The following ELK4 variants were observed in gnomAD, a reference collection of about 807,000 sequenced individuals.
ELK4 encodes the protein ETS domain-containing protein Elk-4.
ELK4 carries 16 observed loss-of-function variants against 29.6 expected under a neutral mutation model. The observed-to-expected ratio is 0.54, with a 90% CI of 0.37 to 0.82. The LOEUF is 0.82. Ranked by LOEUF, ELK4 falls within the 40% of genes least tolerant of loss-of-function variation. The pLI is 0.00. For synonymous variants in ELK4, 213 were observed against 191.1 expected (o/e 1.11, Z -0.95); for missense variants, 465 against 507.1 (o/e 0.92, Z 0.80).
intron 4 of ELK4, among the ~76,000 whole-genome samples, chr1:205,616,925 T>C (rs1670240276): frequency 6.6e-6 from 1 of 152,230 alleles, no homozygotes. Context: ...GGTACACAGG[T>C]TTACAATTAA....
At position 205,631,164 on chromosome 1, in the gene ELK4, G is replaced by C. The variant is rs933661972; in HGVS notation, c.-10+468C>G. On this transcript the variant is annotated intron_variant, in intron 1 of 4. Coordinates refer to ENST00000357992, the MANE Select transcript of ELK4 (RefSeq NM_001973.4). ...GGGCCGCTGGAGCGAAAGAGAAAAA[G>C]AAATGAAACTCGACACCGGATGACT... 2.0e-5 allele frequency among the ~76,000 whole-genome samples: 3 copies of C among 152,156 alleles called. No homozygotes were observed. The South Asian group carries it at 6.2e-4, about 32-fold the overall frequency.
chr1:205,608,487 C>A lies in ELK4; in HGVS notation c.*8059G>T, dbSNP rs1575117635. The A allele has an allele frequency of 5.1e-6, 1 of 194,384 alleles. No individual in the cohort carries two copies. The highest frequency in any genetic ancestry group is 1.1e-5 in the Non-Finnish European group (1 of 93,474). 12.0% of individuals were successfully genotyped at this position (194,384 alleles called of 1,614,324 possible). A position where few individuals can be genotyped will look rare whatever the true frequency, so the allele number is the denominator to read the frequency against. ...ACTGCTTAGCTAGGAGATGTGGCAG[C>A]TTCCCTCCAGCTGTTTCATCAACTA... is the stretch of plus-strand genomic sequence containing the variant. On this transcript the variant is annotated 3_prime_UTR_variant, in exon 5 of 5. Transcript: ENST00000357992.
chr1:205,618,924 C>A, intron 4 of ELK4, 33 bp downstream of exon 4: 1 of 1,529,510 alleles, frequency 6.5e-7, no homozygotes, highest in South Asian at 1.2e-5. Context: ...TTAACATGCT[C>A]CAACTACAGA....
In ELK4 at chr1:205,616,452, G is replaced by T; in HGVS notation, c.*94C>A. ...CAAAAATCACAATAGTCTATTATCA[G>T]CATTGTAGAACTATCAATTGCTCAC... is the stretch of plus-strand genomic sequence containing the variant. On this transcript the variant is annotated 3_prime_UTR_variant, in exon 5 of 5. Transcript: ENST00000357992. The T allele has an allele frequency of 8.9e-7, 1 of 1,123,466 alleles. No homozygotes were observed. Among genetic ancestry groups the T allele is most frequent in the Non-Finnish European group, 1.3e-6 (1 of 756,956 alleles). 69.6% of individuals were successfully genotyped at this position (1,123,466 alleles called of 1,614,324 possible).
rs1033300217 is a variant in ELK4, at chr1:205,609,589, T to C, written c.*6957A>G. The C allele has an allele frequency of 5.0e-6, 1 of 199,880 alleles. No homozygotes were observed. The highest frequency in any genetic ancestry group is 7.8e-5 in the East Asian group (1 of 12,860). 12.4% of individuals were successfully genotyped at this position (199,880 alleles called of 1,614,324 possible). A position where few individuals can be genotyped will look rare whatever the true frequency, so the allele number is the denominator to read the frequency against. ...AAATGCTACTCTACCACTTAAACAA[T>C]AAATGTAAGCAATGAATGTACATAC... On this transcript the variant is annotated 3_prime_UTR_variant, in exon 5 of 5. Coordinates refer to ENST00000357992, the MANE Select transcript of ELK4 (RefSeq NM_001973.4).
In ELK4 at chr1:205,609,815, T is replaced by C. The variant is rs529504022; in HGVS notation, c.*6731A>G. ...TTCTACAAAGCACAATATTAAAAGC[T>C]TGCAAATTATTTTAAAATATCCTAG... On this transcript the variant is annotated 3_prime_UTR_variant, in exon 5 of 5. Transcript: ENST00000357992. 1 of 219,280 alleles carries C rather than the reference T, an allele frequency of 4.6e-6. No individual in the cohort carries two copies. The highest frequency in any genetic ancestry group is 2.2e-5 in the African/African-American group (1 of 44,748). The allele number at this position is 219,280 out of a possible 1,614,324, so 13.6% of individuals were successfully genotyped here. A position where few individuals can be genotyped will look rare whatever the true frequency, so the allele number is the denominator to read the frequency against.
chr1:205,630,912 G>A (rs1558025432), intron 1 of ELK4, among the ~76,000 whole-genome samples: 2 of 152,198 alleles, frequency 1.3e-5, no homozygotes, highest in African/African-American at 2.4e-5. Flanking sequence ...ATTCTGATGA[G>A]GCATAGAACT....
chr1:205,621,214 AAAAAAG>A (rs1670341130), intron 2 of ELK4, among the ~76,000 whole-genome samples: 1 of 143,564 alleles, frequency 7.0e-6, no homozygotes, highest in Non-Finnish European at 1.5e-5. Context: ...AAAAAAAAAA[AAAAAAG>A]AAAAAGCTGG....
chr1:205,625,675 G>T (rs1031319029), intron 1 of ELK4: 80 of 825,868 alleles, frequency 9.7e-5, no homozygotes, highest in Non-Finnish European at 1.1e-4. Context: ...TGCTGCTGCT[G>T]CTTCTTTTTT....
Position 205,611,941 on chromosome 1 carries a change from A to C in ELK4, c.*4605T>G. On this transcript the variant is annotated 3_prime_UTR_variant, in exon 5 of 5. Coordinates refer to ENST00000357992, the MANE Select transcript of ELK4 (RefSeq NM_001973.4). ...GATTTTAAAAATCAAAAACTTATTAATGCAGCAAGAAAATGTAACTTGTTA... is the reference window on the plus strand; with the variant it reads ...GATTTTAAAAATCAAAAACTTATTACTGCAGCAAGAAAATGTAACTTGTTA... 5.4e-6 allele frequency: 1 copy of C among 185,892 alleles called. No individual in the cohort carries two copies. Among genetic ancestry groups the C allele is most frequent in the Non-Finnish European group, 1.1e-5 (1 of 87,762 alleles). The allele number at this position is 185,892 out of a possible 1,614,324, so 11.5% of individuals were successfully genotyped here.
At chr1:205,624,657 GT>G (rs1670417761) in intron 1 of ELK4, among the ~76,000 whole-genome samples, 1 of 152,130 alleles carries the variant, frequency 6.6e-6, no homozygotes, top group South Asian at 2.1e-4. Context: ...TTAGGCCAGA[GT>G]TTCTCAATTT....
chr1:205,619,589 AT>A, intron 3 of ELK4: 1 of 1,223,528 alleles, frequency 8.2e-7, no homozygotes, highest in Non-Finnish European at 1.0e-6. Flanking sequence ...CACACCAGTC[AT>A]TTTTCTTATG....
At chr1:205,617,920 A>G (rs1670261419) in intron 4 of ELK4, among the ~76,000 whole-genome samples, 1 of 152,096 alleles carries the variant, frequency 6.6e-6, no homozygotes, top group African/African-American at 2.4e-5. Flanking sequence ...ATTTTTTTTA[A>G]TCTTTAATTA....
Position 205,620,423 on chromosome 1 carries a change from A to AT in ELK4, c.622dup (p.Ile208AsnfsTer37). The AT allele has an allele frequency of 6.2e-7, 1 of 1,614,150 alleles. No homozygotes were observed. ...TGGAGAAATACTTGGGCCAATTGAA[A>AT]TGGTGGCAGCAACAGGTTCAACCGG... On this transcript the variant is annotated frameshift_variant, in exon 3 of 5. Transcript: ENST00000357992. LOFTEE classifies it high-confidence loss of function.
chr1:205,613,037 G>A lies in ELK4; in HGVS notation c.*3509C>T, dbSNP rs1453093228. On this transcript the variant is annotated 3_prime_UTR_variant, in exon 5 of 5. Transcript: ENST00000357992. ...TAATTCTTTTTTTTTTTTCCTGACC[G>A]TACTCCTCAAAATCCAGATTGTTTG... 19 of 192,578 alleles carry A rather than the reference G, an allele frequency of 9.9e-5. No individual in the cohort carries two copies. The highest frequency in any genetic ancestry group is 1.9e-4 in the Admixed American group (3 of 15,702). The allele number at this position is 192,578 out of a possible 1,614,324, so 11.9% of individuals were successfully genotyped here.
intron 3 of ELK4, 138 bp from the exon 4 acceptor site, chr1:205,619,211 G>A (rs1670285753): frequency 8.9e-7 from 1 of 1,128,868 alleles, no homozygotes; most frequent in Non-Finnish European, 1.1e-6. Context: ...ATATTATCAT[G>A]ACAAAACTCA....
intron 3 of ELK4, chr1:205,619,531 C>G: frequency 9.0e-7 from 1 of 1,115,194 alleles, no homozygotes; most frequent in Non-Finnish European, 1.1e-6. Context: ...ATGAGATGAG[C>G]AAGTTAATAA....
At chr1:205,626,239 C>T (rs1670458677) in intron 1 of ELK4, 3 of 524,400 alleles carry the variant, frequency 5.7e-6, no homozygotes, top group Non-Finnish European at 1.1e-5. Context: ...AGCTCAAACA[C>T]CACCTCCCTT....
At position 205,616,622 on chromosome 1, in the gene ELK4, T is replaced by A; in HGVS notation, c.1220A>T (p.His407Leu). The A allele has an allele frequency of 1.9e-6, 3 of 1,614,154 alleles. No homozygotes were observed. Among genetic ancestry groups the A allele is most frequent in the Non-Finnish European group, 2.5e-6 (3 of 1,180,018 alleles). ...CAGCCCAGACAGAGTGAATGGCCCA[T>A]GACTGTTCAGTACAGAAGGAAACTG... ...LFQFPSVLNS[H>L]GPFTLSGLDG... Residue 407 changes from histidine to leucine, a missense_variant, in exon 5 of 5, where the codon CAT becomes CTT. By Grantham distance (99) the His-to-Leu change is moderately conservative. Around this residue, in one of 2 missense-constraint regions of ELK4, gnomAD observed 80 missense variants for 119.6 expected, o/e 0.67. Transcript: ENST00000357992.
Sources: allele counts gnomAD v4.1 joint callset (sites outside exome capture counted in the v4.1 genomes callset), GRCh38; gene constraint gnomAD v4.1.1; regional missense constraint gnomAD v4.1.1; transcripts MANE v1.5; gene names NCBI Gene and HGNC (gene_info 2026-07-23, HGNC 2026-07-21).